The following PRDM5 variants were observed in gnomAD, a reference collection of about 807,000 sequenced individuals.
PRDM5 encodes PR domain zinc finger protein 5.
In PRDM5, 56 loss-of-function variants were observed where a neutral mutation model predicts 81.2. That is an observed-to-expected ratio of 0.69 (90% CI 0.56 to 0.86). The LOEUF (loss-of-function observed/expected upper bound fraction) is 0.86, where lower values mean the gene tolerates loss of function less well. Among genes scored for constraint, PRDM5 ranks in the 40% least tolerant of loss-of-function variants. The pLI is 0.00. For synonymous variants in PRDM5, 267 were observed against 256.4 expected, an observed-to-expected ratio of 1.04 and a Z score of -0.39; for missense variants, 697 against 770.1, an observed-to-expected ratio of 0.91 and a Z score of 1.12.
At chr4:120,805,562 A>C (rs1394667706) in intron 8 of PRDM5, among the ~76,000 whole-genome samples, 1 of 152,190 alleles carries the variant, frequency 6.6e-6, no homozygotes, top group African/African-American at 2.4e-5. Flanking sequence ...CAAATCAAAA[A>C]ATGTAATCCA....
At chr4:120,759,019 TGCTGGGATTACAGGCGTGA>T (rs904551696) in intron 13 of PRDM5, among the ~76,000 whole-genome samples, 166 of 152,198 alleles carry the variant, frequency 1.1e-3, no homozygotes, top group African/African-American at 3.9e-3. Flanking sequence ...CCACCCAAAG[TGCTGGGATTACAGGCGTGA>T]GCCACCACGC....
intron 2 of PRDM5, among the ~76,000 whole-genome samples, chr4:120,892,494 T>C (rs1764167745): frequency 1.3e-5 from 2 of 152,238 alleles, no homozygotes; most frequent in African/African-American, 4.8e-5. Context: ...TGGATGTTCC[T>C]GGTGTTGAGT....
At chr4:120,732,329 ACTT>A (rs1299103166) in intron 14 of PRDM5, among the ~76,000 whole-genome samples, 6 of 152,206 alleles carry the variant, frequency 3.9e-5, no homozygotes, top group Non-Finnish European at 8.8e-5. Flanking sequence ...TCTAAAATAT[ACTT>A]CTTAACATCT....
intron 5 of PRDM5, 71 bp from the exon 6 acceptor site, chr4:120,816,995 C>T: frequency 8.3e-7 from 1 of 1,206,522 alleles, no homozygotes; most frequent in East Asian, 2.3e-5. Context: ...AATGAAACTA[C>T]ACTAACTCTG....
intron 14 of PRDM5, among the ~76,000 whole-genome samples, chr4:120,746,246 C>G (rs1261211439): frequency 3.0e-5 from 4 of 132,226 alleles, no homozygotes; most frequent in African/African-American, 5.9e-5. Flanking sequence ...AAAGCTGAAA[C>G]TGGATCCCTT....
chr4:120,791,780 G>A (rs1232048914), intron 10 of PRDM5, among the ~76,000 whole-genome samples: 1 of 152,184 alleles, frequency 6.6e-6, no homozygotes, highest in African/African-American at 2.4e-5. Flanking sequence ...GATGGTATTA[G>A]GAGTTGGGAC....
At chr4:120,917,570 T>C (rs1277741232) in intron 1 of PRDM5, among the ~76,000 whole-genome samples, 1 of 151,974 alleles carries the variant, frequency 6.6e-6, no homozygotes, top group East Asian at 1.9e-4. Context: ...AAGTGAATAG[T>C]ACAGGTCTTG....
intron 3 of PRDM5, chr4:120,838,941 G>C (rs970398060): frequency 2.1e-6 from 1 of 474,558 alleles, no homozygotes; most frequent in East Asian, 3.3e-5. Context: ...CAGATATGCC[G>C]GCTGCTGCAG....
chr4:120,787,063 A>G (rs1749860797), intron 10 of PRDM5, among the ~76,000 whole-genome samples: 1 of 152,224 alleles, frequency 6.6e-6, no homozygotes. Flanking sequence ...AGTATGTACT[A>G]TATTAGGAAG....
intron 10 of PRDM5, among the ~76,000 whole-genome samples, chr4:120,789,114 A>C (rs116837385): frequency 0.018 from 2,762 of 152,324 alleles, 33 homozygotes; most frequent in Middle Eastern, 0.031. Context: ...TTGTATGCCA[A>C]GTCACTGATG....
intron 10 of PRDM5, among the ~76,000 whole-genome samples, chr4:120,788,575 T>C (rs1750100871): frequency 6.6e-6 from 1 of 152,226 alleles, no homozygotes; most frequent in Admixed American, 6.5e-5. Context: ...ATTGCTCCCA[T>C]CTTCTAAAAA....
chr4:120,833,615 T>C (rs1376497720), intron 3 of PRDM5, among the ~76,000 whole-genome samples: 2 of 152,178 alleles, frequency 1.3e-5, no homozygotes, highest in African/African-American at 2.4e-5. Flanking sequence ...CTAGTCTTGT[T>C]GTTGCACTTC....
intron 10 of PRDM5, among the ~76,000 whole-genome samples, chr4:120,794,273 G>A (rs543835418): frequency 6.6e-6 from 1 of 152,034 alleles, no homozygotes; most frequent in Admixed American, 6.6e-5. Context: ...TGCTCTAACT[G>A]TTGAGTGAAC....
At chr4:120,768,605 T>C (rs894628374) in intron 13 of PRDM5, among the ~76,000 whole-genome samples, 2 of 152,342 alleles carry the variant, frequency 1.3e-5, no homozygotes, top group Middle Eastern at 3.4e-3. Flanking sequence ...TGAGATTTGC[T>C]ACACAACTGC....
chr4:120,751,466 T>C (rs1743991058), intron 14 of PRDM5, among the ~76,000 whole-genome samples: 1 of 148,134 alleles, frequency 6.8e-6, no homozygotes, highest in Non-Finnish European at 1.5e-5. Context: ...TGGTGTCCCA[T>C]AAGAAGACAG....
chr4:120,808,671 C>A (rs1753362070), intron 8 of PRDM5, among the ~76,000 whole-genome samples: 1 of 152,158 alleles, frequency 6.6e-6, no homozygotes, highest in Admixed American at 6.5e-5. Flanking sequence ...GGAGGCACTC[C>A]TCCTGAGAGG....
intron 14 of PRDM5, among the ~76,000 whole-genome samples, chr4:120,735,600 T>C (rs898630506): frequency 3.3e-5 from 5 of 152,250 alleles, no homozygotes; most frequent in Non-Finnish European, 7.4e-5. Context: ...GGATGGGAGA[T>C]ACAGTCTTTT....
At chr4:120,909,291 CCT>C (rs1454890121) in intron 1 of PRDM5, among the ~76,000 whole-genome samples, 1 of 152,170 alleles carries the variant, frequency 6.6e-6, no homozygotes, top group Admixed American at 6.5e-5. Context: ...CCTGATGCCA[CCT>C]CCTCAGCTTT....
At position 120,694,303 on chromosome 4, in the gene PRDM5, T is replaced by C. The variant is rs2148983184; in HGVS notation, c.*808A>G. On this transcript the variant is annotated 3_prime_UTR_variant, in exon 16 of 16. Coordinates refer to ENST00000264808, the MANE Select transcript of PRDM5 (RefSeq NM_018699.4). ...TTTTTAATTATATATATTGGTATAC[T>C]GTTAATTTCTAAAGCTAAATGGTCT... 2 of 152,238 alleles carry C rather than the reference T, an allele frequency of 1.3e-5. 1 individual carries two copies. The highest frequency in any genetic ancestry group is 4.1e-4 in the South Asian group (2 of 4,830). The allele number at this position is 152,238 out of a possible 1,614,324, so 9.4% of individuals were successfully genotyped here.
Sources: allele counts gnomAD v4.1 joint callset (sites outside exome capture counted in the v4.1 genomes callset), GRCh38; gene constraint gnomAD v4.1.1; transcripts MANE v1.5; gene names NCBI Gene and HGNC (gene_info 2026-07-23, HGNC 2026-07-21).